Variants in CADPS2 observed in about 807,000 individuals in gnomAD.
CADPS2 encodes calcium dependent secretion activator 2.
In CADPS2, 93 loss-of-function variants were observed where a neutral mutation model predicts 172.5. The ratio of observed to expected loss-of-function variants is 0.54; its 90% confidence interval spans 0.46 to 0.64. The LOEUF (loss-of-function observed/expected upper bound fraction) is 0.64, where lower values mean the gene tolerates loss of function less well. Among genes scored for constraint, CADPS2 ranks in the 30% least tolerant of loss-of-function variants. The probability of loss-of-function intolerance (pLI) is 0.00; values close to 1 mark genes in which losing one functional copy is unlikely to be tolerated. For synonymous variants in CADPS2, 546 were observed against 555.2 expected (o/e 0.98, Z 0.23); for missense variants, 1,420 against 1,565.9 (o/e 0.91, Z 1.57).
intron 1 of CADPS2, among the ~76,000 whole-genome samples, chr7:122,737,493 G>A (rs2092240636): frequency 6.6e-6 from 1 of 152,210 alleles, no homozygotes; most frequent in South Asian, 2.1e-4. Context: ...TTACAGGCAT[G>A]AGCCACTGCA....
chr7:122,727,155 TTA>T (rs989510306), intron 2 of CADPS2, among the ~76,000 whole-genome samples: 7 of 151,912 alleles, frequency 4.6e-5, no homozygotes, highest in Non-Finnish European at 8.8e-5. Context: ...CTTCAAAGGA[TTA>T]TAAATAGGTA....
chr7:122,817,151 T>C (rs1236573140), intron 1 of CADPS2, among the ~76,000 whole-genome samples: 3 of 152,184 alleles, frequency 2.0e-5, no homozygotes, highest in Non-Finnish European at 4.4e-5. Flanking sequence ...GCCTGTTTGG[T>C]GGTCTCTTCA....
intron 15 of CADPS2, among the ~76,000 whole-genome samples, chr7:122,447,601 T>G (rs535329609): frequency 5.8e-5 from 8 of 138,058 alleles, no homozygotes; most frequent in Admixed American, 8.0e-5. Flanking sequence ...TCACCTAGGC[T>G]GGAGTGCAGT....
Position 122,319,966 on chromosome 7 carries a change from CA to C in CADPS2, c.*198del. 2.1e-6 allele frequency: 1 copy of C among 465,496 alleles called. No homozygotes were observed. Among genetic ancestry groups the C allele is most frequent in the Non-Finnish European group, 3.5e-6 (1 of 283,588 alleles). 28.8% of individuals were successfully genotyped at this position (465,496 alleles called of 1,614,324 possible). ...TTCTCCAAAAAAACAAACAAACAAA[CA>C]AACAAAAAAAGGAAACAAAAAAACC... On this transcript the variant is annotated 3_prime_UTR_variant, in exon 30 of 30. Coordinates refer to ENST00000449022, the MANE Select transcript of CADPS2 (RefSeq NM_017954.11).
intron 17 of CADPS2, among the ~76,000 whole-genome samples, chr7:122,434,359 T>TA (rs954717009): frequency 1.3e-4 from 20 of 151,554 alleles, no homozygotes; most frequent in African/African-American, 4.8e-4. Flanking sequence ...AAGAAAGAAA[T>TA]AGAGCCCTTA....
intron 2 of CADPS2, among the ~76,000 whole-genome samples, chr7:122,728,720 AT>A (rs2091348176): frequency 6.6e-6 from 1 of 151,628 alleles, no homozygotes; most frequent in South Asian, 2.1e-4. Flanking sequence ...ATTTTTTTCA[AT>A]TTTATTTATT....
intron 6 of CADPS2, among the ~76,000 whole-genome samples, chr7:122,590,303 C>G (rs569503305): frequency 1.5e-4 from 23 of 151,922 alleles, no homozygotes; most frequent in African/African-American, 5.5e-4. Flanking sequence ...GAACAGAGAG[C>G]CCAGAAACCA....
At chr7:122,583,607 G>A (rs1236714172) in intron 6 of CADPS2, among the ~76,000 whole-genome samples, 1 of 150,508 alleles carries the variant, frequency 6.6e-6, no homozygotes, top group African/African-American at 2.4e-5. Flanking sequence ...TGTAATATAT[G>A]CATATGATAT....
chr7:122,555,662 G>A (rs1170987086), intron 7 of CADPS2, among the ~76,000 whole-genome samples: 1 of 151,974 alleles, frequency 6.6e-6, no homozygotes, highest in Non-Finnish European at 1.5e-5. Context: ...CATAAATCTT[G>A]AGGCAACACA....
At chr7:122,539,775 C>G (rs905090746) in intron 8 of CADPS2, among the ~76,000 whole-genome samples, 46 of 152,042 alleles carry the variant, frequency 3.0e-4, no homozygotes, top group African/African-American at 1.1e-3. Context: ...CTGTCTCTCT[C>G]TTTCTGTTTC....
chr7:122,769,901 A>G (rs962064768), intron 1 of CADPS2, among the ~76,000 whole-genome samples: 1 of 152,236 alleles, frequency 6.6e-6, no homozygotes, highest in African/African-American at 2.4e-5. Flanking sequence ...GGGTTAAATT[A>G]TAATTGTCAT....
At chr7:122,378,344 C>T (rs755759150) in intron 25 of CADPS2, among the ~76,000 whole-genome samples, 1 of 152,092 alleles carries the variant, frequency 6.6e-6, no homozygotes, top group Non-Finnish European at 1.5e-5. Flanking sequence ...AAGGCTGTAA[C>T]AATTTATACT....
At chr7:122,425,733 C>A (rs1472087696) in intron 17 of CADPS2, among the ~76,000 whole-genome samples, 2 of 152,120 alleles carry the variant, frequency 1.3e-5, no homozygotes, top group African/African-American at 4.8e-5. Flanking sequence ...TACATTGTAT[C>A]CATTTTTTTC....
intron 9 of CADPS2, among the ~76,000 whole-genome samples, chr7:122,498,736 C>G (rs904660126): frequency 1.3e-5 from 2 of 152,042 alleles, no homozygotes; most frequent in African/African-American, 4.8e-5. Context: ...ACTTTGCATA[C>G]TGTTATTTTC....
At chr7:122,850,260 T>C (rs1813179420) in intron 1 of CADPS2, 1 of 956,812 alleles carries the variant, frequency 1.0e-6, no homozygotes, top group East Asian at 3.3e-5. Flanking sequence ...CCTGCTCCAC[T>C]GGGGGCCCCA....
chr7:122,840,940 CAAG>C (rs1252860165), intron 1 of CADPS2, among the ~76,000 whole-genome samples: 4 of 151,930 alleles, frequency 2.6e-5, no homozygotes, highest in East Asian at 1.9e-4. Flanking sequence ...AAAATTAACA[CAAG>C]AAGAAAGCCC....
At chr7:122,541,681 A>G (rs1029659401) in intron 8 of CADPS2, among the ~76,000 whole-genome samples, 3 of 145,344 alleles carry the variant, frequency 2.1e-5, no homozygotes, top group African/African-American at 7.5e-5. Flanking sequence ...ATGTTTATAT[A>G]TTTATTCATA....
rs2043772972 is a variant in CADPS2 at position 122,387,012 on chromosome 7, C to T, written c.3312+14G>A. On this transcript the variant is annotated intron_variant, in intron 24 of 29. Coordinates refer to ENST00000449022, the MANE Select transcript of CADPS2 (RefSeq NM_017954.11). ...CCCTGTGCTGCCTTTCCCCATGTGG[C>T]ACATTCTACATACCTCTTGTCCTCC... 4.5e-6 allele frequency: 7 copies of T among 1,552,442 alleles called. No individual in the cohort carries two copies. The highest frequency in any genetic ancestry group is 1.2e-5 in the South Asian group (1 of 84,072).
chr7:122,680,662 C>G lies in CADPS2; in HGVS notation c.454-17093G>C, dbSNP rs184606638. ...CTGAGAGGTGGAGGTTGCAGTGGGT[C>G]GGGATAATGCCACTGCACTCCAGCC... is the stretch of plus-strand genomic sequence containing the variant. On this transcript the variant is annotated intron_variant, in intron 2 of 29. Coordinates refer to ENST00000449022, the MANE Select transcript of CADPS2 (RefSeq NM_017954.11). Among the ~76,000 whole-genome samples the G allele has an allele frequency of 3.9e-4, 59 of 152,218 alleles. No individual in the cohort carries two copies. The East Asian group carries it at 0.011, about 28-fold the overall frequency.
Sources: gnomAD v4.1 joint callset for allele counts (sites outside exome capture counted in the v4.1 genomes callset) on GRCh38, gnomAD v4.1.1 for gene constraint, MANE v1.5 for transcripts, NCBI Gene and HGNC (gene_info 2026-07-23, HGNC 2026-07-21) for gene names.